Variants in CRYBG1 observed in about 807,000 individuals in gnomAD.
CRYBG1 encodes beta/gamma crystallin domain-containing protein 1.
Under a neutral mutation model 189.2 loss-of-function variants are expected in CRYBG1, and 139 were observed. The observed-to-expected ratio is 0.73, with a 90% CI of 0.64 to 0.85. The LOEUF (loss-of-function observed/expected upper bound fraction) is 0.85. CRYBG1 is among the 40% of genes least tolerant of loss of function. The probability of loss-of-function intolerance (pLI) is 0.00; values close to 1 mark genes in which losing one functional copy is unlikely to be tolerated. For synonymous variants in CRYBG1, 1,023 were observed against 1,017.1 expected (o/e 1.01, Z -0.11); for missense variants, 2,611 against 2,675.8 (o/e 0.98, Z 0.53).
chr6:106,523,440 A>G (rs905786662), intron 4 of CRYBG1, among the ~76,000 whole-genome samples: 1 of 152,168 alleles, frequency 6.6e-6, no homozygotes, highest in Admixed American at 6.5e-5. Context: ...CTACAGTCTG[A>G]CAAAGTTGAT....
At chr6:106,436,602 T>C (rs908561024) in intron 1 of CRYBG1, among the ~76,000 whole-genome samples, 32 of 152,326 alleles carry the variant, frequency 2.1e-4, no homozygotes, top group Non-Finnish European at 3.5e-4. Flanking sequence ...CGCAATCTTA[T>C]TCTACTTTTC....
At chr6:106,461,302 A>G (rs1772004479) in intron 2 of CRYBG1, among the ~76,000 whole-genome samples, 1 of 152,158 alleles carries the variant, frequency 6.6e-6, no homozygotes, top group African/African-American at 2.4e-5. Flanking sequence ...ATGATTCTAA[A>G]CCATGGGGCA....
intron 1 of CRYBG1, among the ~76,000 whole-genome samples, chr6:106,379,603 C>T (rs1282921089): frequency 6.6e-6 from 1 of 151,612 alleles, no homozygotes; most frequent in Non-Finnish European, 1.5e-5. Context: ...TCTGTCATCC[C>T]GGCTGAAGTG....
At chr6:106,547,212 A>ACACC (rs1554191201) in intron 13 of CRYBG1, among the ~76,000 whole-genome samples, 6,464 of 60,254 alleles carry the variant, frequency 0.11, 370 homozygotes, top group African/African-American at 0.2. Flanking sequence ...ACACACACAC[A>ACACC]CCACTTCCTT....
chr6:106,458,648 G>A (rs1014014129), intron 2 of CRYBG1, among the ~76,000 whole-genome samples: 1 of 152,168 alleles, frequency 6.6e-6, no homozygotes, highest in Non-Finnish European at 1.5e-5. Flanking sequence ...CAGTATTTCA[G>A]TTCTAGTATG....
At chr6:106,413,006 G>A (rs1770958542) in intron 1 of CRYBG1, among the ~76,000 whole-genome samples, 1 of 151,238 alleles carries the variant, frequency 6.6e-6, no homozygotes, top group African/African-American at 2.4e-5. Flanking sequence ...GGTGGTTCTG[G>A]CTGTAAGAAA....
chr6:106,440,136 C>G (rs1393506433), intron 1 of CRYBG1, among the ~76,000 whole-genome samples: 1 of 152,096 alleles, frequency 6.6e-6, no homozygotes, highest in African/African-American at 2.4e-5. Flanking sequence ...GCTGTGCTGC[C>G]TCTCTTCTTC....
intron 2 of CRYBG1, among the ~76,000 whole-genome samples, chr6:106,498,648 GC>G (rs1161418361): frequency 6.6e-6 from 1 of 152,170 alleles, no homozygotes; most frequent in Non-Finnish European, 1.5e-5. Flanking sequence ...GCTGAGGTGG[GC>G]AGATAACTTG....
chr6:106,504,937 C>T (rs1184825367), intron 2 of CRYBG1, among the ~76,000 whole-genome samples: 1 of 148,616 alleles, frequency 6.7e-6, no homozygotes. Flanking sequence ...AATGAATATC[C>T]TGGAAGTTAT....
chr6:106,483,553 A>C (rs992473532), intron 2 of CRYBG1, among the ~76,000 whole-genome samples: 21 of 151,922 alleles, frequency 1.4e-4, no homozygotes, highest in Non-Finnish European at 2.6e-4. Flanking sequence ...TTGCTGGATC[A>C]TATGGTAGTT....
intron 1 of CRYBG1, among the ~76,000 whole-genome samples, chr6:106,365,917 G>A (rs1264962672): frequency 6.6e-6 from 1 of 152,102 alleles, no homozygotes; most frequent in Non-Finnish European, 1.5e-5. Context: ...GTGAAGGCCA[G>A]CAGGCTCAAG....
At chr6:106,474,736 G>A (rs1249744617) in intron 2 of CRYBG1, among the ~76,000 whole-genome samples, 1 of 152,166 alleles carries the variant, frequency 6.6e-6, no homozygotes, top group Admixed American at 6.5e-5. Context: ...TTGTCCATGG[G>A]CAGGCGTAGG....
chr6:106,536,756 A>T (rs9486387), intron 8 of CRYBG1, among the ~76,000 whole-genome samples: 45,736 of 152,132 alleles, frequency 0.3, 7,200 homozygotes, highest in South Asian at 0.37. Flanking sequence ...TAAGTACGAC[A>T]ATAAAGTTGT....
intron 11 of CRYBG1, among the ~76,000 whole-genome samples, chr6:106,543,993 G>A (rs992410634): frequency 1.3e-5 from 2 of 152,132 alleles, no homozygotes; most frequent in South Asian, 2.1e-4. Flanking sequence ...CAAAGGCTGC[G>A]GTGAGCCAAG....
chr6:106,554,368 C>T (rs1774483426), intron 16 of CRYBG1, among the ~76,000 whole-genome samples: 1 of 152,290 alleles, frequency 6.6e-6, no homozygotes, highest in African/African-American at 2.4e-5. Context: ...AATCCCAACA[C>T]TTAGGGAAGC....
chr6:106,370,091 A>G (rs1452205545), intron 1 of CRYBG1, among the ~76,000 whole-genome samples: 2 of 152,240 alleles, frequency 1.3e-5, no homozygotes, highest in African/African-American at 2.4e-5. Flanking sequence ...AAGTTTTGGT[A>G]CTAGACAATT....
At chr6:106,405,691 A>G (rs956589408) in intron 1 of CRYBG1, among the ~76,000 whole-genome samples, 3 of 152,242 alleles carry the variant, frequency 2.0e-5, no homozygotes, top group Non-Finnish European at 2.9e-5. Context: ...AAGAAGGAAC[A>G]GGCAGCAATC....
intron 1 of CRYBG1, among the ~76,000 whole-genome samples, chr6:106,362,269 T>G (rs1454521470): frequency 6.6e-6 from 1 of 152,072 alleles, no homozygotes; most frequent in Non-Finnish European, 1.5e-5. Context: ...GCGCCCGGCC[T>G]CTCCTTTTAT....
intron 1 of CRYBG1, among the ~76,000 whole-genome samples, chr6:106,421,203 T>A (rs1031876378): frequency 6.6e-6 from 1 of 152,068 alleles, no homozygotes; most frequent in African/African-American, 2.4e-5. Flanking sequence ...GGGTATAAGA[T>A]CCTGGATTTA....
Sources: gnomAD v4.1 joint callset for allele counts (sites outside exome capture counted in the v4.1 genomes callset) on GRCh38, gnomAD v4.1.1 for gene constraint, MANE v1.5 for transcripts, NCBI Gene and HGNC (gene_info 2026-07-23, HGNC 2026-07-21) for gene names.